TNFSF8: variants seen among roughly 807,000 people sequenced by gnomAD.
The protein encoded by TNFSF8 is tumor necrosis factor ligand superfamily member 8.
In TNFSF8, 4 loss-of-function variants were observed where a neutral mutation model predicts 22.0. The observed-to-expected ratio is 0.18, with a 90% CI of 0.09 to 0.42. The LOEUF is 0.42. Among genes scored for constraint, TNFSF8 ranks in the 10% least tolerant of loss-of-function variants. TNFSF8 has a pLI of 1.00. For missense variants in TNFSF8, 233 were observed against 281.8 expected, an observed-to-expected ratio of 0.83 and a Z score of 1.24; for synonymous variants, 106 against 112.5, an observed-to-expected ratio of 0.94 and a Z score of 0.37.
intron 2 of TNFSF8, among the ~76,000 whole-genome samples, chr9:114,911,318 G>C (rs982732277): frequency 6.6e-6 from 1 of 152,142 alleles, no homozygotes; most frequent in Non-Finnish European, 1.5e-5. Context: ...TTATCCTAAT[G>C]ACTCTGCATC....
At position 114,901,945 on chromosome 9, in the gene TNFSF8, T is replaced by C; in HGVS notation, c.*1986A>G. 1.0e-6 allele frequency: 1 copy of C among 984,558 alleles called. No individual in the cohort carries two copies. Among genetic ancestry groups the C allele is most frequent in the Non-Finnish European group, 1.2e-6 (1 of 829,134 alleles). 61.0% of individuals were successfully genotyped at this position (984,558 alleles called of 1,614,324 possible). ...TCTTTCTTTTTTTCTTTTAAATCTT[T>C]TCTAGCTTTCCTTCTGACAAACTTT... is the stretch of plus-strand genomic sequence containing the variant. On this transcript the variant is annotated 3_prime_UTR_variant, in exon 4 of 4. Transcript: ENST00000223795.
chr9:114,908,349 G>A (rs1384345258), intron 2 of TNFSF8, among the ~76,000 whole-genome samples: 1 of 152,224 alleles, frequency 6.6e-6, no homozygotes, highest in African/African-American at 2.4e-5. Flanking sequence ...TTGCCTGAGG[G>A]CTAGAATAAC....
intron 1 of TNFSF8, among the ~76,000 whole-genome samples, chr9:114,926,811 G>C (rs951565825): frequency 6.6e-6 from 1 of 152,002 alleles, no homozygotes; most frequent in Non-Finnish European, 1.5e-5. Flanking sequence ...TCTCCGTGAA[G>C]AGGGATTAGT....
Position 114,930,459 on chromosome 9 carries a change from T to A in TNFSF8, c.-156A>T. ...GCTGCCTGGTGGAGAAACTCTTCTC[T>A]GGGGGCGTGAGGCGAGAGGCGGCAG... On this transcript the variant is annotated 5_prime_UTR_variant, in exon 1 of 4. It introduces an in-frame stop codon into an upstream open reading frame of the 5' UTR. Coordinates refer to ENST00000223795, the MANE Select transcript of TNFSF8 (RefSeq NM_001244.4). 1 of 538,046 alleles carries A rather than the reference T, an allele frequency of 1.9e-6. No individual in the cohort carries two copies. The allele number at this position is 538,046 out of a possible 1,614,324, so 33.3% of individuals were successfully genotyped here.
Position 114,903,579 on chromosome 9 carries a change from G to T in TNFSF8, c.*352C>A. 5 of 463,762 alleles carry T rather than the reference G, an allele frequency of 1.1e-5. No homozygotes were observed. The highest frequency in any genetic ancestry group is 1.4e-5 in the Non-Finnish European group (5 of 346,880). 28.7% of individuals were successfully genotyped at this position (463,762 alleles called of 1,614,324 possible). A position where few individuals can be genotyped will look rare whatever the true frequency, so the allele number is the denominator to read the frequency against. On this transcript the variant is annotated 3_prime_UTR_variant, in exon 4 of 4. Coordinates refer to ENST00000223795, the MANE Select transcript of TNFSF8 (RefSeq NM_001244.4). ...TTAGGGCAGAGTTGCTAGCTGCTCTGGTACTGGAGCCCCATTTTAACTGGA... is the reference window on the plus strand; with the variant it reads ...TTAGGGCAGAGTTGCTAGCTGCTCTTGTACTGGAGCCCCATTTTAACTGGA...
At chr9:114,911,414 C>T (rs564065189) in intron 2 of TNFSF8, among the ~76,000 whole-genome samples, 27 of 152,258 alleles carry the variant, frequency 1.8e-4, no homozygotes, top group African/African-American at 6.3e-4. Context: ...CAGTCTCTCC[C>T]CTCTGGATAA....
chr9:114,896,955 T>G (rs1488527471), downstream of TNFSF8, among the ~76,000 whole-genome samples: 1 of 152,160 alleles, frequency 6.6e-6, no homozygotes, highest in Non-Finnish European at 1.5e-5. Flanking sequence ...AGGCTGGAGT[T>G]GCAGTGGTGC....
intron 4 of TNFSF8, among the ~76,000 whole-genome samples, chr9:114,894,989 G>T (rs963099840): frequency 6.6e-6 from 1 of 152,168 alleles, no homozygotes; most frequent in Non-Finnish European, 1.5e-5. Flanking sequence ...GGTAAAATGA[G>T]ACTCATTGTG....
At chr9:114,893,923 G>T in exon 5 of TNFSF8, 1 of 650,462 alleles carries the variant, frequency 1.5e-6, no homozygotes, top group East Asian at 2.8e-5. Flanking sequence ...TCATGGACAG[G>T]TCTAGATGAT....
chr9:114,925,136 A>G (rs1341880324), intron 1 of TNFSF8, among the ~76,000 whole-genome samples: 3 of 152,194 alleles, frequency 2.0e-5, no homozygotes, highest in African/African-American at 4.8e-5. Flanking sequence ...TACAGGGGAG[A>G]GAGTCCAGTG....
At chr9:114,922,302 G>A (rs950709577) in intron 1 of TNFSF8, among the ~76,000 whole-genome samples, 7 of 152,108 alleles carry the variant, frequency 4.6e-5, no homozygotes, top group African/African-American at 1.7e-4. Flanking sequence ...AGCTCTGTTT[G>A]GAATATGCCA....
chr9:114,926,814 G>A (rs1253855932), intron 1 of TNFSF8, among the ~76,000 whole-genome samples: 2 of 151,770 alleles, frequency 1.3e-5, no homozygotes, highest in African/African-American at 4.8e-5. Context: ...CCGTGAAGAG[G>A]GATTAGTGGT....
rs1294239944 is a variant in TNFSF8, at chr9:114,902,363, G to T, written c.*1568C>A. On this transcript the variant is annotated 3_prime_UTR_variant, in exon 4 of 4. Coordinates refer to ENST00000223795, the MANE Select transcript of TNFSF8 (RefSeq NM_001244.4). Reference sequence around the variant, plus strand: ...CAGGGGATGGAGCAGCCATTCCCTGGCTAGATGACCACATCACTGTTGCAC... The same window carrying T: ...CAGGGGATGGAGCAGCCATTCCCTGTCTAGATGACCACATCACTGTTGCAC... 2 of 985,282 alleles carry T rather than the reference G, an allele frequency of 2.0e-6. No individual in the cohort carries two copies. The highest frequency in any genetic ancestry group is 2.4e-6 in the Non-Finnish European group (2 of 829,932). The allele number at this position is 985,282 out of a possible 1,614,324, so 61.0% of individuals were successfully genotyped here.
intron 1 of TNFSF8, among the ~76,000 whole-genome samples, 197 bp downstream of exon 1, chr9:114,929,909 TATA>T (rs1340420117): frequency 6.8e-6 from 1 of 147,832 alleles, no homozygotes; most frequent in African/African-American, 2.5e-5. Flanking sequence ...TACTGTATAA[TATA>T]ATATATATTA....
At chr9:114,896,793 A>T (rs923336904), downstream of TNFSF8, among the ~76,000 whole-genome samples, 5 of 151,198 alleles carry the variant, frequency 3.3e-5, no homozygotes, top group Non-Finnish European at 7.4e-5. Context: ...GCAAAGATTT[A>T]TTTTTTTTTC....
downstream of TNFSF8, among the ~76,000 whole-genome samples, chr9:114,896,223 T>C (rs1827654218): frequency 6.6e-6 from 1 of 152,212 alleles, no homozygotes; most frequent in Admixed American, 6.5e-5. Flanking sequence ...GCAGATTCTG[T>C]TCCAGTTTTT....
In TNFSF8 at chr9:114,902,377, T is replaced by A. The variant is rs113570103; in HGVS notation, c.*1554A>T. 0.016 allele frequency: 15,366 copies of A among 985,396 alleles called. 156 individuals are homozygous for A. Among genetic ancestry groups the A allele is most frequent in the Admixed American group, 0.035 (573 of 16,274 alleles). The allele number at this position is 985,396 out of a possible 1,614,324, so 61.0% of individuals were successfully genotyped here. ...GCCATTCCCTGGCTAGATGACCACA[T>A]CACTGTTGCACACTGATTGTTTGCT... On this transcript the variant is annotated 3_prime_UTR_variant, in exon 4 of 4. Coordinates refer to ENST00000223795, the MANE Select transcript of TNFSF8 (RefSeq NM_001244.4).
downstream of TNFSF8, among the ~76,000 whole-genome samples, chr9:114,897,568 C>A (rs566050452): frequency 1.1e-4 from 16 of 152,102 alleles, no homozygotes; most frequent in Non-Finnish European, 2.4e-4. Flanking sequence ...GTGAAGCCAG[C>A]AGAGTCAGGA....
chr9:114,906,589 G>A (rs560888343), intron 2 of TNFSF8, among the ~76,000 whole-genome samples: 4 of 152,272 alleles, frequency 2.6e-5, no homozygotes, highest in African/African-American at 7.2e-5. Context: ...GCTAGACAAC[G>A]AAGATAAAAA....
Sources: gnomAD v4.1 joint callset for allele counts (sites outside exome capture counted in the v4.1 genomes callset) on GRCh38, gnomAD v4.1.1 for gene constraint, MANE v1.5 for transcripts, NCBI Gene and HGNC (gene_info 2026-07-23, HGNC 2026-07-21) for gene names.